Variants in ZDHHC17 observed in about 807,000 individuals in gnomAD.
ZDHHC17 encodes the protein palmitoyltransferase ZDHHC17.
Under a neutral mutation model 90.3 loss-of-function variants are expected in ZDHHC17, and 40 were observed. The observed-to-expected ratio is 0.44, with a 90% CI of 0.34 to 0.58. The LOEUF (loss-of-function observed/expected upper bound fraction) is 0.58. Among genes scored for constraint, ZDHHC17 ranks in the 20% least tolerant of loss-of-function variants. ZDHHC17 has a pLI of 0.01. For synonymous variants in ZDHHC17, 235 were observed against 252.4 expected (o/e 0.93, Z 0.65); for missense variants, 614 against 780.8 (o/e 0.79, Z 2.55).
Position 76,846,691 on chromosome 12 carries a change from T to C in ZDHHC17, c.1507+12T>C. 6.3e-7 allele frequency: 1 copy of C among 1,590,464 alleles called. No individual in the cohort carries two copies. Among genetic ancestry groups the C allele is most frequent in the East Asian group, 2.2e-5 (1 of 44,640 alleles). ...TGGTTGTATATCTTGTGAGTACAAT[T>C]AGTTTTCGGTCTTTTTAAAACAAAT... On this transcript the variant is annotated intron_variant, in intron 14 of 16. Coordinates refer to ENST00000426126, the MANE Select transcript of ZDHHC17 (RefSeq NM_015336.4).
chr12:76,781,685 T>C (rs1952629186), intron 1 of ZDHHC17: 2 of 455,950 alleles, frequency 4.4e-6, no homozygotes, highest in Admixed American at 2.3e-5. Flanking sequence ...TTCAGAACTG[T>C]AAGAAATACT....
In ZDHHC17 at chr12:76,815,844, T is replaced by C; in HGVS notation, c.609-13T>C. 6.8e-7 allele frequency: 1 copy of C among 1,467,888 alleles called. No homozygotes were observed. The highest frequency in any genetic ancestry group is 2.9e-5 in the Admixed American group (1 of 34,540). The allele number at this position is 1,467,888 out of a possible 1,614,324, so 90.9% of individuals were successfully genotyped here. A position where few individuals can be genotyped will look rare whatever the true frequency, so the allele number is the denominator to read the frequency against. ...TGTTGTTGTTGTTTGTTTTTTTTTTTTTTCCTTTTCAGTGTGGATCCAACT... is the reference window on the plus strand; with the variant it reads ...TGTTGTTGTTGTTTGTTTTTTTTTTCTTTCCTTTTCAGTGTGGATCCAACT... On this transcript the variant is annotated splice_polypyrimidine_tract_variant and intron_variant, in intron 6 of 16. Transcript: ENST00000426126.
chr12:76,779,016 A>G (rs185824679), intron 1 of ZDHHC17, among the ~76,000 whole-genome samples: 25 of 152,320 alleles, frequency 1.6e-4, no homozygotes, highest in Admixed American at 9.8e-4. Context: ...GGCCCACCCA[A>G]TGGCCTCATG....
chr12:76,846,690 T>A lies in ZDHHC17; in HGVS notation c.1507+11T>A. The stretch of plus-strand genomic sequence containing the variant: ...ATGGTTGTATATCTTGTGAGTACAA[T>A]TAGTTTTCGGTCTTTTTAAAACAAA... On this transcript the variant is annotated intron_variant, in intron 14 of 16. Transcript: ENST00000426126. 3 of 1,594,432 alleles carry A rather than the reference T, an allele frequency of 1.9e-6. No homozygotes were observed. The highest frequency in any genetic ancestry group is 2.6e-6 in the Non-Finnish European group (3 of 1,167,558).
At chr12:76,835,479 ATC>A (rs755309815) in intron 10 of ZDHHC17, among the ~76,000 whole-genome samples, 2 of 152,112 alleles carry the variant, frequency 1.3e-5, no homozygotes, top group East Asian at 3.8e-4. Flanking sequence ...AGAAGTTTAT[ATC>A]TCTTGTTAGA....
At chr12:76,792,410 G>T (rs899117320) in intron 1 of ZDHHC17, among the ~76,000 whole-genome samples, 27 of 152,218 alleles carry the variant, frequency 1.8e-4, no homozygotes, top group African/African-American at 6.5e-4. Context: ...TCCCATCAAG[G>T]TATGCAAATA....
intron 10 of ZDHHC17, 85 bp downstream of exon 10, chr12:76,828,575 A>AGTAGATCAG: frequency 8.8e-7 from 1 of 1,140,878 alleles, no homozygotes; most frequent in Non-Finnish European, 1.3e-6. Context: ...ATTAGGACTG[A>AGTAGATCAG]TCTACTCATT....
intron 10 of ZDHHC17, among the ~76,000 whole-genome samples, chr12:76,838,747 C>A (rs1953398699): frequency 1.3e-5 from 2 of 152,142 alleles, no homozygotes; most frequent in African/African-American, 4.8e-5. Flanking sequence ...GGAAGCCATG[C>A]AGTGGTATTC....
intron 10 of ZDHHC17, among the ~76,000 whole-genome samples, chr12:76,833,535 G>T (rs902643090): frequency 4.6e-5 from 7 of 152,250 alleles, no homozygotes; most frequent in African/African-American, 1.7e-4. Context: ...GCTCACGCCT[G>T]TAATCCCAGC....
At chr12:76,765,581 C>T (rs560491222) in intron 1 of ZDHHC17, among the ~76,000 whole-genome samples, 3 of 152,242 alleles carry the variant, frequency 2.0e-5, no homozygotes, top group Non-Finnish European at 4.4e-5. Context: ...TAGGCCCTAA[C>T]ATACGTCAGG....
intron 1 of ZDHHC17, among the ~76,000 whole-genome samples, chr12:76,774,353 C>T (rs1470507640): frequency 6.6e-6 from 1 of 151,702 alleles, no homozygotes; most frequent in Non-Finnish European, 1.5e-5. Flanking sequence ...CACACACACG[C>T]CCCCCCACCC....
chr12:76,773,150 A>G (rs1592456968), intron 1 of ZDHHC17, among the ~76,000 whole-genome samples: 1 of 152,076 alleles, frequency 6.6e-6, no homozygotes, highest in African/African-American at 2.4e-5. Flanking sequence ...CAGCCACTGC[A>G]CCCGGCGAGG....
At chr12:76,834,018 G>A (rs907356195) in intron 10 of ZDHHC17, among the ~76,000 whole-genome samples, 3 of 152,050 alleles carry the variant, frequency 2.0e-5, no homozygotes, top group Non-Finnish European at 4.4e-5. Context: ...ATACTTTCCT[G>A]CCTTAATGAT....
chr12:76,843,532 T>C (rs959699701), intron 12 of ZDHHC17, among the ~76,000 whole-genome samples: 3 of 152,094 alleles, frequency 2.0e-5, no homozygotes, highest in African/African-American at 7.2e-5. Context: ...TAAAGATATA[T>C]ATGAAATTAC....
chr12:76,848,517 G>T, intron 15 of ZDHHC17, 127 bp downstream of exon 15: 2 of 1,137,068 alleles, frequency 1.8e-6, no homozygotes, highest in East Asian at 2.7e-5. Flanking sequence ...TTTCAATTTA[G>T]TTTTCCTTTC....
chr12:76,764,996 A>T (rs1952415715), intron 1 of ZDHHC17, among the ~76,000 whole-genome samples: 1 of 152,228 alleles, frequency 6.6e-6, no homozygotes, highest in South Asian at 2.1e-4. Context: ...CCATCACAAC[A>T]TGAGTGTCTT....
intron 1 of ZDHHC17, among the ~76,000 whole-genome samples, chr12:76,775,349 G>A (rs1422981148): frequency 6.6e-6 from 1 of 152,152 alleles, no homozygotes; most frequent in Admixed American, 6.5e-5. Context: ...CTATATTTCA[G>A]TGTTCTTGGT....
chr12:76,834,218 TTC>T (rs1194429993), intron 10 of ZDHHC17, among the ~76,000 whole-genome samples: 2 of 152,206 alleles, frequency 1.3e-5, no homozygotes, highest in Admixed American at 1.3e-4. Context: ...TAAAAATTTT[TTC>T]TCTGACTATG....
chr12:76,780,744 CT>C (rs1322349693), intron 1 of ZDHHC17, among the ~76,000 whole-genome samples: 2 of 152,136 alleles, frequency 1.3e-5, no homozygotes, highest in African/African-American at 4.8e-5. Context: ...GTTGATCTCT[CT>C]TTGATAAACT....
Sources: allele counts gnomAD v4.1 joint callset (sites outside exome capture counted in the v4.1 genomes callset), GRCh38; gene constraint gnomAD v4.1.1; transcripts MANE v1.5; gene names NCBI Gene and HGNC (gene_info 2026-07-23, HGNC 2026-07-21).